The following CELF2 variants were observed in gnomAD, a reference collection of about 807,000 sequenced individuals.
The protein encoded by CELF2 is CUGBP Elav-like family member 2, also known as CUG triplet repeat RNA-binding protein 2.
Under a neutral mutation model 62.6 loss-of-function variants are expected in CELF2, and 8 were observed. The observed-to-expected ratio is 0.13, with a 90% confidence interval of 0.07 to 0.23. The LOEUF (loss-of-function observed/expected upper bound fraction) is 0.23. Ranked by LOEUF, CELF2 falls within the 10% of genes least tolerant of loss-of-function variation. The pLI is 1.00. For synonymous variants in CELF2, 258 were observed against 250.0 expected (o/e 1.03, Z -0.30); for missense variants, 333 against 671.0 (o/e 0.50, Z 5.56).
At chr10:10,594,249 T>A in the CELF2 span, among the ~76,000 whole-genome samples, 1 of 152,206 alleles carries the variant, frequency 6.6e-6, no homozygotes, top group Admixed American at 6.5e-5. Flanking sequence ...CTTAGGTGAC[T>A]GGTGGACTAT....
the CELF2 span, among the ~76,000 whole-genome samples, chr10:10,616,295 G>GGGGTGT: frequency 3.5e-4 from 50 of 143,958 alleles, 1 homozygote; most frequent in African/African-American, 7.6e-4. Context: ...TTTTGTTTGG[G>GGGGTGT]GTGTGTGTGT....
the CELF2 span, among the ~76,000 whole-genome samples, chr10:10,690,658 T>C: frequency 2.0e-5 from 3 of 152,124 alleles, no homozygotes; most frequent in Non-Finnish European, 4.4e-5. Context: ...GGTGGGCAGA[T>C]CACTTGAGGT....
Position 11,282,832 on chromosome 10 carries a change from C to G in CELF2, c.842-5586C>G, listed in dbSNP as rs573747855. On this transcript the variant is annotated intron_variant, in intron 8 of 12. Coordinates refer to ENST00000633077, the MANE Select transcript of CELF2 (RefSeq NM_001326342.2). ...CTTGCTGACCAGCCTGCGCTGCCTTCGGGAGGTGGTGGTGATTGCTGCTGT... is the reference window on the plus strand; with the variant it reads ...CTTGCTGACCAGCCTGCGCTGCCTTGGGGAGGTGGTGGTGATTGCTGCTGT... Among the ~76,000 whole-genome samples the G allele has an allele frequency of 2.6e-5, 4 of 152,336 alleles. No individual in the cohort carries two copies. The South Asian group carries it at 8.3e-4, about 32-fold the overall frequency.
intron 1 of CELF2, among the ~76,000 whole-genome samples, chr10:11,154,744 A>C (rs1486391264): frequency 6.6e-6 from 1 of 152,228 alleles, no homozygotes; most frequent in African/African-American, 2.4e-5. Flanking sequence ...TGATGCGCTG[A>C]AGAGAAAGAA....
chr10:10,921,360 C>T (rs1256271839), intron 2 of CELF2, among the ~76,000 whole-genome samples: 1 of 152,082 alleles, frequency 6.6e-6, no homozygotes, highest in Non-Finnish European at 1.5e-5. Flanking sequence ...ACCTCCGCCC[C>T]TGGGTTCAAG....
chr10:10,797,842 G>C (rs560467879), upstream of CELF2, among the ~76,000 whole-genome samples: 1 of 152,276 alleles, frequency 6.6e-6, no homozygotes, highest in African/African-American at 2.4e-5. Flanking sequence ...AACCCATACG[G>C]GGCGAAGGGA....
At position 11,165,950 on chromosome 10, in the gene CELF2, C is replaced by T. The variant is rs2067007931; in HGVS notation, c.271+268C>T. On this transcript the variant is annotated intron_variant, in intron 2 of 12. Transcript: ENST00000633077. This position sits in a 1 kb window ranked among gnomAD's most constrained non-coding sequence, Gnocchi z 7.4. ...CTCGGTCCAGGCGCGTGATCGCTCC[C>T]GGGAGGTCACTTTCTAGGCAGCCCA... 6.6e-6 allele frequency among the ~76,000 whole-genome samples: 1 copy of T among 152,226 alleles called. No homozygotes were observed. The highest frequency in any genetic ancestry group is 6.5e-5 in the Admixed American group (1 of 15,288).
At chr10:10,737,148 T>C in the CELF2 span, among the ~76,000 whole-genome samples, 21 of 152,302 alleles carry the variant, frequency 1.4e-4, no homozygotes, top group African/African-American at 5.1e-4. Context: ...TCTACTTTAA[T>C]GTGTTTGTTG....
At chr10:10,602,101 G>A in the CELF2 span, among the ~76,000 whole-genome samples, 1 of 152,096 alleles carries the variant, frequency 6.6e-6, no homozygotes, top group African/African-American at 2.4e-5. Flanking sequence ...AGTATTCCAT[G>A]GTGTATATGT....
At chr10:11,137,426 G>A (rs547082346) in intron 1 of CELF2, among the ~76,000 whole-genome samples, 11 of 152,178 alleles carry the variant, frequency 7.2e-5, no homozygotes, top group East Asian at 1.9e-4. Context: ...ACAATGCTGT[G>A]GGTAAGAGCT....
intron 2 of CELF2, among the ~76,000 whole-genome samples, chr10:11,203,994 G>C (rs746142684): frequency 6.6e-6 from 1 of 152,204 alleles, no homozygotes; most frequent in African/African-American, 2.4e-5. Context: ...TGGAGAGACT[G>C]GGGGAGAGGA....
the CELF2 span, among the ~76,000 whole-genome samples, chr10:10,598,794 TCTGTAGCCAGG>T: frequency 7.9e-6 from 1 of 127,382 alleles, no homozygotes; most frequent in Non-Finnish European, 1.6e-5. Flanking sequence ...AGAGTCTCCC[TCTGTAGCCAGG>T]CTGGAGTGCG....
At chr10:10,890,010 C>G (rs945059016) in intron 1 of CELF2, among the ~76,000 whole-genome samples, 1 of 152,152 alleles carries the variant, frequency 6.6e-6, no homozygotes, top group Non-Finnish European at 1.5e-5. Context: ...CAAAAGTATA[C>G]AGTTTCCTGA....
chr10:10,852,315 T>G (rs1421241700), intron 1 of CELF2, among the ~76,000 whole-genome samples: 1 of 152,194 alleles, frequency 6.6e-6, no homozygotes, highest in African/African-American at 2.4e-5. Context: ...CTCAGGGGGA[T>G]TATACTGAAT....
At chr10:10,569,289 G>A in the CELF2 span, among the ~76,000 whole-genome samples, 4 of 152,146 alleles carry the variant, frequency 2.6e-5, no homozygotes, top group African/African-American at 9.7e-5. Flanking sequence ...GCAAGGGAAG[G>A]ACAAAGGCAT....
chr10:10,921,862 T>G (rs1308622056), intron 2 of CELF2, among the ~76,000 whole-genome samples: 1 of 152,216 alleles, frequency 6.6e-6, no homozygotes, highest in Non-Finnish European at 1.5e-5. Flanking sequence ...GGCTCGTGCC[T>G]TAGTTTTTGA....
chr10:11,104,293 G>A (rs11256980), intron 1 of CELF2, among the ~76,000 whole-genome samples: 2 of 152,124 alleles, frequency 1.3e-5, no homozygotes, highest in Non-Finnish European at 2.9e-5. Context: ...AACTTTATGA[G>A]ATTTTAAAAA....
At chr10:10,745,226 T>C in the CELF2 span, among the ~76,000 whole-genome samples, 1 of 152,068 alleles carries the variant, frequency 6.6e-6, no homozygotes, top group African/African-American at 2.4e-5. Flanking sequence ...TCTTCCATCA[T>C]CACTCGGCAA....
At chr10:11,025,437 G>A (rs142164902) in intron 1 of CELF2, among the ~76,000 whole-genome samples, 3 of 152,042 alleles carry the variant, frequency 2.0e-5, no homozygotes, top group South Asian at 2.1e-4. Flanking sequence ...CACGAGATCC[G>A]ATGGTTTTAT....
Sources: allele counts gnomAD v4.1 joint callset (sites outside exome capture counted in the v4.1 genomes callset), GRCh38; gene constraint gnomAD v4.1.1; non-coding constraint Gnocchi (gnomAD v3.1); transcripts MANE v1.5; gene names NCBI Gene and HGNC (gene_info 2026-07-23, HGNC 2026-07-21).